MTCL1: variants seen among roughly 807,000 people sequenced by gnomAD.
MTCL1 encodes microtubule cross-linking factor 1.
MTCL1 carries 79 observed loss-of-function variants against 141.4 expected under a neutral mutation model. The observed-to-expected ratio is 0.56, with a 90% CI of 0.47 to 0.67. The LOEUF is 0.67. MTCL1 is among the 30% of genes least tolerant of loss of function. MTCL1 has a pLI of 0.00. For missense variants in MTCL1, 2,177 were observed against 2,113.9 expected (o/e 1.03, Z -0.59); for synonymous variants, 914 against 875.8 (o/e 1.04, Z -0.77).
chr18:8,767,175 T>G (rs1175537217), intron 4 of MTCL1, among the ~76,000 whole-genome samples: 2 of 152,208 alleles, frequency 1.3e-5, no homozygotes, highest in African/African-American at 2.4e-5. Context: ...TTGAATCACT[T>G]AAAGTATTGT....
intron 4 of MTCL1, among the ~76,000 whole-genome samples, chr18:8,751,843 A>G (rs2096373071): frequency 6.6e-6 from 1 of 152,234 alleles, no homozygotes; most frequent in South Asian, 2.1e-4. Flanking sequence ...CGCTTGTGAA[A>G]GTTGTTTCAT....
intron 4 of MTCL1, among the ~76,000 whole-genome samples, chr18:8,756,351 GTGTATATA>G (rs1205233101): frequency 8.2e-5 from 12 of 146,050 alleles, no homozygotes; most frequent in East Asian, 2.0e-4. Flanking sequence ...GTATATATAT[GTGTATATA>G]TGTATATATG....
chr18:8,814,727 C>T (rs928842846), intron 12 of MTCL1, among the ~76,000 whole-genome samples: 6 of 152,200 alleles, frequency 3.9e-5, no homozygotes, highest in Non-Finnish European at 5.9e-5. Context: ...CCCTCCTGTA[C>T]CCCAGTGAGG....
exon 1 of MTCL1, chr18:8,706,466 T>C (rs990067070): frequency 3.2e-6 from 4 of 1,259,536 alleles, no homozygotes; most frequent in Non-Finnish European, 4.0e-6. Context: ...CCCCCAGCGC[T>C]CCTCGCCGCG....
chr18:8,736,277 G>A (rs886963833), intron 4 of MTCL1, among the ~76,000 whole-genome samples: 13 of 152,090 alleles, frequency 8.5e-5, no homozygotes, highest in African/African-American at 2.9e-4. Flanking sequence ...AGTGAAATAC[G>A]GTATGTGTAG....
At chr18:8,770,564 T>G (rs1469772104) in intron 4 of MTCL1, among the ~76,000 whole-genome samples, 1 of 152,184 alleles carries the variant, frequency 6.6e-6, no homozygotes, top group Non-Finnish European at 1.5e-5. Flanking sequence ...CATGACCTCA[T>G]TGCAACCTAG....
In MTCL1 at chr18:8,779,743, A is replaced by G. The variant is rs1343647904; in HGVS notation, c.417+1851A>G. On this transcript the variant is annotated intron_variant, in intron 5 of 16. Coordinates refer to ENST00000359865, the Ensembl canonical transcript of MTCL1. The surrounding 1 kb of genome is among the most constrained non-coding windows in gnomAD (Gnocchi z 4.1). ...GTCTTGGTGGCAGGCCTCATAGTGC[A>G]TGTGTGGTTGTTAAGTAGAAATGAC... is the stretch of plus-strand genomic sequence containing the variant. 1.3e-5 allele frequency among the ~76,000 whole-genome samples: 2 copies of G among 151,982 alleles called. No homozygotes were observed. Among genetic ancestry groups the G allele is most frequent in the Non-Finnish European group, 2.9e-5 (2 of 67,980 alleles).
At chr18:8,824,719 T>C in exon 15 of MTCL1, 2 of 1,613,180 alleles carry the variant, frequency 1.2e-6, no homozygotes, top group Non-Finnish European at 1.7e-6. Context: ...GTGTCCTCCA[T>C]GTCTGAGTTC....
intron 7 of MTCL1, chr18:8,789,356 A>AT (rs2075637519): frequency 2.1e-6 from 2 of 964,332 alleles, no homozygotes; most frequent in Non-Finnish European, 2.5e-6. Context: ...AAATGAAGCC[A>AT]TGGTCATGGT....
chr18:8,786,710 C>G (rs546923809), intron 7 of MTCL1: 2 of 232,604 alleles, frequency 8.6e-6, no homozygotes, highest in Non-Finnish European at 1.7e-5. Flanking sequence ...GCGGGTCACC[C>G]GACCCGGGAC....
chr18:8,718,694 C>A, intron 3 of MTCL1, 46 bp downstream of exon 2: 5 of 1,564,422 alleles, frequency 3.2e-6, no homozygotes, highest in Non-Finnish European at 4.4e-6. Context: ...TGCTGTGGAC[C>A]GGCTGGCCAC....
At chr18:8,759,292 G>A (rs1006302561) in intron 4 of MTCL1, among the ~76,000 whole-genome samples, 1 of 152,196 alleles carries the variant, frequency 6.6e-6, no homozygotes, top group Non-Finnish European at 1.5e-5. Context: ...ACATTGTGAA[G>A]TATTTTCAGC....
In MTCL1 at chr18:8,763,654, C is replaced by T. The variant is rs150261971; in HGVS notation, c.358-14179C>T. Among the ~76,000 whole-genome samples, 503 of 152,332 alleles carry T rather than the reference C, an allele frequency of 3.3e-3. 2 individuals are homozygous for T. Among genetic ancestry groups the T allele is most frequent in the African/African-American group, 0.011 (473 of 41,592 alleles). ...AGTGGTCTCTCTCAGCCTTATTGCT[C>T]ATTTGATTTTAATATGTTGACAAAA... On this transcript the variant is annotated intron_variant, in intron 4 of 16. Transcript: ENST00000359865.
Position 8,706,521 on chromosome 18 carries a change from C to T in MTCL1, c.861C>T (p.Ser287=), listed in dbSNP as rs367737298. The change falls in exon 1 of 14, where the codon AGC becomes AGT. Residue 287 remains serine, a synonymous_variant. Coordinates refer to the MTCL1 transcript ENST00000306329. ...GTCCCGGGGGCCGGAGCATCCCGAGCGGGGTTTCGGGGGGTTTCGCGGGGC... is the reference window on the plus strand; with the variant it reads ...GTCCCGGGGGCCGGAGCATCCCGAGTGGGGTTTCGGGGGGTTTCGCGGGGC... The T allele has an allele frequency of 1.5e-3, 2,063 of 1,334,252 alleles. 33 individuals carry two copies. In the African/African-American group the frequency reaches 0.026, roughly 17 times the overall value. The allele number at this position is 1,334,252 out of a possible 1,614,324, so 82.7% of individuals were successfully genotyped here. A position where few individuals can be genotyped will look rare whatever the true frequency, so the allele number is the denominator to read the frequency against.
chr18:8,710,092 G>A (rs1021403389), intron 1 of MTCL1, among the ~76,000 whole-genome samples: 3 of 152,256 alleles, frequency 2.0e-5, no homozygotes, highest in African/African-American at 4.8e-5. Context: ...TGCCCGCCTC[G>A]GCTTCCCAAA....
At chr18:8,796,540 C>T (rs970443107) in intron 9 of MTCL1, 78 bp downstream of exon 8, 6 of 1,346,502 alleles carry the variant, frequency 4.5e-6, no homozygotes, top group South Asian at 1.3e-5. Flanking sequence ...CTCACCCACC[C>T]TACACACAGT....
chr18:8,751,665 G>A (rs567371884), intron 4 of MTCL1, among the ~76,000 whole-genome samples: 1 of 152,340 alleles, frequency 6.6e-6, no homozygotes, highest in South Asian at 2.1e-4. Context: ...CTGGTCCAGT[G>A]CAGGACGGGG....
chr18:8,724,540 G>T (rs540667140), intron 4 of MTCL1, among the ~76,000 whole-genome samples: 1 of 152,176 alleles, frequency 6.6e-6, no homozygotes, highest in Non-Finnish European at 1.5e-5. Flanking sequence ...ATGTGTACAC[G>T]ATTTCTAGTC....
At chr18:8,791,053 C>T (rs1294756908) in intron 7 of MTCL1, among the ~76,000 whole-genome samples, 1 of 152,182 alleles carries the variant, frequency 6.6e-6, no homozygotes, top group African/African-American at 2.4e-5. Flanking sequence ...CCAGAGTGGT[C>T]TCTGTGGCCC....
Sources: gnomAD v4.1 joint callset for allele counts (sites outside exome capture counted in the v4.1 genomes callset) on GRCh38, gnomAD v4.1.1 for gene constraint, Gnocchi (gnomAD v3.1) non-coding constraint, MANE v1.5 for transcripts, NCBI Gene and HGNC (gene_info 2026-07-23, HGNC 2026-07-21) for gene names.